ZNF625: variants seen among roughly 807,000 people sequenced by gnomAD.
ZNF625 encodes the protein zinc finger protein 625.
Under a neutral mutation model 11.1 loss-of-function variants are expected in ZNF625, and 8 were observed. The ratio of observed to expected loss-of-function variants is 0.72; its 90% CI spans 0.42 to 1.30. ZNF625 has a LOEUF of 1.30. Ranked by LOEUF, ZNF625 falls within the 50% of genes most tolerant of loss-of-function variation. The probability of loss-of-function intolerance (pLI) is 0.01; values close to 1 mark genes in which losing one functional copy is unlikely to be tolerated. For missense variants in ZNF625, 349 were observed against 447.6 expected (o/e 0.78, Z 1.99); for synonymous variants, 145 against 153.4 (o/e 0.95, Z 0.41).
rs1049902855 is a variant in ZNF625 at position 12,150,381 on chromosome 19, T to C, written c.4-2579A>G. ...CTACAAAACCCAGTTATAGCAAAGA[T>C]CCTTCTAAGGGAGTTCAGAGAAACC... On this transcript the variant is annotated intron_variant, in intron 1 of 3. Transcript: ENST00000439556. Among the ~76,000 whole-genome samples, 4 of 152,188 alleles carry C rather than the reference T, an allele frequency of 2.6e-5. No individual in the cohort carries two copies. In the East Asian group the frequency reaches 7.7e-4, roughly 29 times the overall value.
intron 1 of ZNF625, among the ~76,000 whole-genome samples, chr19:12,152,500 C>G (rs554767317): frequency 5.3e-5 from 8 of 151,980 alleles, no homozygotes; most frequent in Admixed American, 4.6e-4. Flanking sequence ...ACAAGAACAT[C>G]ATAATAGATG....
chr19:12,156,635 G>T lies in ZNF625; in HGVS notation c.-77C>A. The stretch of plus-strand genomic sequence containing the variant: ...CCAGTCACAGTGCGGGCGATGGAGC[G>T]ACAGAAGCTATGGCGGAGGCACCTG... On this transcript the variant is annotated 5_prime_UTR_variant, in exon 1 of 4. Transcript: ENST00000439556. The T allele has an allele frequency of 1.6e-6, 2 of 1,234,952 alleles. No homozygotes were observed. The highest frequency in any genetic ancestry group is 2.0e-6 in the Non-Finnish European group (2 of 981,540). The allele number at this position is 1,234,952 out of a possible 1,614,324, so 76.5% of individuals were successfully genotyped here.
chr19:12,148,000 GAC>G (rs1361977822), intron 1 of ZNF625, among the ~76,000 whole-genome samples, 198 bp from the exon 2 acceptor site: 1 of 151,620 alleles, frequency 6.6e-6, no homozygotes, highest in Non-Finnish European at 1.5e-5. Flanking sequence ...TATTTTTTGA[GAC>G]AGAATCTCAT....
chr19:12,152,048 A>C (rs1479722651), intron 1 of ZNF625, among the ~76,000 whole-genome samples: 2 of 152,126 alleles, frequency 1.3e-5, no homozygotes, highest in African/African-American at 2.4e-5. Context: ...CAGGCTAATA[A>C]GGAAATGAAA....
chr19:12,155,948 T>C (rs564143789), intron 1 of ZNF625, among the ~76,000 whole-genome samples: 1 of 152,098 alleles, frequency 6.6e-6, no homozygotes, highest in East Asian at 1.9e-4. Flanking sequence ...ATCTCCTCCC[T>C]CAAGCGATCC....
chr19:12,151,956 A>G (rs1976962403), intron 1 of ZNF625, among the ~76,000 whole-genome samples: 1 of 152,072 alleles, frequency 6.6e-6, no homozygotes, highest in Admixed American at 6.6e-5. Flanking sequence ...GATCATGAAT[A>G]TTTTTGGGTG....
At chr19:12,154,769 A>T (rs1271464807) in intron 1 of ZNF625, among the ~76,000 whole-genome samples, 2 of 152,144 alleles carry the variant, frequency 1.3e-5, no homozygotes, top group Non-Finnish European at 2.9e-5. Context: ...ATCCCACCCC[A>T]ATCAAGTCAA....
At chr19:12,146,334 T>A (rs1447916619) in intron 3 of ZNF625, 110 bp from the exon 4 acceptor site, 10 of 1,026,378 alleles carry the variant, frequency 9.7e-6, no homozygotes, top group Non-Finnish European at 1.4e-5. Flanking sequence ...TGTGTAGGCT[T>A]TCTGCCCTGT....
rs10417551 is a variant in ZNF625 at position 12,147,045 on chromosome 19, C to T, written c.191+350G>A. Among the ~76,000 whole-genome samples the T allele has an allele frequency of 7.5e-3, 1,115 of 149,428 alleles. 8 individuals are homozygous for T. Among genetic ancestry groups the T allele is most frequent in the African/African-American group, 0.027 (1,067 of 40,134 alleles). On this transcript the variant is annotated intron_variant, in intron 3 of 3. Coordinates refer to ENST00000439556, the MANE Select transcript of ZNF625 (RefSeq NM_145233.4). The stretch of plus-strand genomic sequence containing the variant: ...GCAGTGGCATGATCTCGGCTCACTG[C>T]AATCTCTGCCTCCCGGGTTCATGCC...
Position 12,145,368 on chromosome 19 carries a change from C to T in ZNF625, c.1048G>A (p.Glu350Lys), listed in dbSNP as rs1360263112. The change falls in exon 4 of 4, where the codon GAA (glutamate) becomes AAA (lysine). Residue 350 changes from glutamate to lysine, a missense_variant. Physicochemically the swap from Glu to Lys is moderately conservative, Grantham distance 56. Coordinates refer to ENST00000439556, the MANE Select transcript of ZNF625 (RefSeq NM_145233.4). ...FGCASSVKIH[E>K]RTHTGEKPCS... ...GGTTTTTCTCCAGTGTGAGTCCTTT[C>T]ATGGATTTTAACGCTCGAGGCACAT... 2 of 1,614,038 alleles carry T rather than the reference C, an allele frequency of 1.2e-6. No homozygotes were observed. The highest frequency in any genetic ancestry group is 1.7e-6 in the Non-Finnish European group (2 of 1,180,030).
chr19:12,152,162 C>T (rs748782801), intron 1 of ZNF625, among the ~76,000 whole-genome samples: 24 of 151,996 alleles, frequency 1.6e-4, no homozygotes, highest in Non-Finnish European at 2.9e-4. Context: ...ATCATATACA[C>T]GTTACATGTA....
At chr19:12,149,063 C>T (rs1395531426) in intron 1 of ZNF625, among the ~76,000 whole-genome samples, 1 of 151,850 alleles carries the variant, frequency 6.6e-6, no homozygotes, top group Non-Finnish European at 1.5e-5. Context: ...AGGTGGATCA[C>T]GAGGTCAGGA....
intron 3 of ZNF625, among the ~76,000 whole-genome samples, chr19:12,146,624 G>T (rs1976877667): frequency 6.6e-6 from 1 of 152,098 alleles, no homozygotes; most frequent in Admixed American, 6.6e-5. Context: ...TAGAGATGGG[G>T]TTTTGTCACA....
At chr19:12,146,515 C>A (rs1055356140) in intron 3 of ZNF625, among the ~76,000 whole-genome samples, 5 of 152,106 alleles carry the variant, frequency 3.3e-5, no homozygotes, top group African/African-American at 1.2e-4. Flanking sequence ...CTCACTGCAA[C>A]CTCCATCTCC....
At chr19:12,155,000 C>A (rs1317097514) in intron 1 of ZNF625, among the ~76,000 whole-genome samples, 3 of 151,932 alleles carry the variant, frequency 2.0e-5, no homozygotes, top group Non-Finnish European at 4.4e-5. Flanking sequence ...CGGAGGCAGG[C>A]GGATTATTTG....
chr19:12,153,927 C>T (rs988857425), intron 1 of ZNF625, among the ~76,000 whole-genome samples: 3 of 149,852 alleles, frequency 2.0e-5, no homozygotes, highest in Admixed American at 6.7e-5. Context: ...CCTGCCTCAG[C>T]CTCCCGAGTA....
In ZNF625 at chr19:12,145,012, C is replaced by T; in HGVS notation, c.*285G>A. 1 of 328,338 alleles carries T rather than the reference C, an allele frequency of 3.0e-6. No individual in the cohort carries two copies. The allele number at this position is 328,338 out of a possible 1,614,324, so 20.3% of individuals were successfully genotyped here. ...TATAGGCATGAGCCACTGCACCCGG[C>T]CAAACCTCGTATTTTTTTTATGACA... On this transcript the variant is annotated 3_prime_UTR_variant, in exon 4 of 4. Coordinates refer to ENST00000439556, the MANE Select transcript of ZNF625 (RefSeq NM_145233.4).
In ZNF625 at chr19:12,145,974, G is replaced by T. The variant is rs373898997; in HGVS notation, c.442C>A (p.Pro148Thr). 1.2e-6 allele frequency: 2 copies of T among 1,614,048 alleles called. No individual in the cohort carries two copies. The highest frequency in any genetic ancestry group is 2.7e-5 in the African/African-American group (2 of 74,906). Reference protein sequence around the residue: ...TYCKKAFSDLPYFRTHEWAHT... With the variant: ...TYCKKAFSDLTYFRTHEWAHT... The stretch of plus-strand genomic sequence containing the variant: ...GCCCATTCATGTGTTCGAAAGTAGG[G>T]GAGATCACTGAAGGCTTTCTTACAG... The change falls in exon 4 of 4, where the codon CCC (proline) becomes ACC (threonine). Residue 148 changes from proline to threonine, a missense_variant. Physicochemically the swap from Pro to Thr is conservative, Grantham distance 38. Coordinates refer to ENST00000439556, the MANE Select transcript of ZNF625 (RefSeq NM_145233.4).
At chr19:12,149,125 C>T (rs142926043) in intron 1 of ZNF625, among the ~76,000 whole-genome samples, 2 of 151,446 alleles carry the variant, frequency 1.3e-5, no homozygotes, top group African/African-American at 4.8e-5. Flanking sequence ...TCTAAAAATA[C>T]AAAAATTAGC....
Sources: allele counts gnomAD v4.1 joint callset (sites outside exome capture counted in the v4.1 genomes callset), GRCh38; gene constraint gnomAD v4.1.1; transcripts MANE v1.5; gene names NCBI Gene and HGNC (gene_info 2026-07-23, HGNC 2026-07-21).